The following ASPRV1 variants were observed in gnomAD, a reference collection of about 807,000 sequenced individuals.
ASPRV1 encodes the protein aspartic peptidase retroviral like 1.
A neutral mutation model predicts 11.0 loss-of-function variants in ASPRV1; 7 were observed. That is an observed-to-expected ratio of 0.64 (90% CI 0.36 to 1.20). The LOEUF (loss-of-function observed/expected upper bound fraction) is 1.20. Ranked by LOEUF, ASPRV1 falls within the 50% of genes most tolerant of loss-of-function variation. The pLI, the probability that ASPRV1 is intolerant of heterozygous loss-of-function variation, is 0.02. For synonymous variants in ASPRV1, 136 were observed against 138.4 expected (o/e 0.98, Z 0.12); for missense variants, 299 against 320.0 (o/e 0.93, Z 0.50).
the ASPRV1 span, among the ~76,000 whole-genome samples, chr2:69,989,639 G>C: frequency 1.1e-4 from 16 of 152,240 alleles, no homozygotes; most frequent in African/African-American, 3.9e-4. Flanking sequence ...TAAACAGCCT[G>C]ATGAGCACGG....
chr2:69,989,890 T>G, the ASPRV1 span, among the ~76,000 whole-genome samples: 9 of 152,236 alleles, frequency 5.9e-5, no homozygotes, highest in Non-Finnish European at 2.9e-5. Flanking sequence ...AGTAACTGCA[T>G]GTTAAATCAG....
the ASPRV1 span, among the ~76,000 whole-genome samples, chr2:70,024,776 A>T: frequency 5.9e-5 from 9 of 152,082 alleles, no homozygotes; most frequent in African/African-American, 2.2e-4. Flanking sequence ...CAACCTCCTG[A>T]AACTTCCAGA....
At chr2:69,969,483 G>C in the ASPRV1 span, among the ~76,000 whole-genome samples, 6 of 152,084 alleles carry the variant, frequency 3.9e-5, no homozygotes, top group Non-Finnish European at 7.4e-5. Context: ...CCAAGTTTCT[G>C]GGTCTTCTGC....
chr2:69,989,394 CCACAG>C, the ASPRV1 span, among the ~76,000 whole-genome samples: 2 of 152,246 alleles, frequency 1.3e-5, no homozygotes, highest in African/African-American at 4.8e-5. Flanking sequence ...AGACACAACA[CCACAG>C]CACAGCACAG....
the ASPRV1 span, among the ~76,000 whole-genome samples, chr2:70,057,400 G>T: frequency 3.9e-4 from 59 of 152,158 alleles, no homozygotes; most frequent in African/African-American, 1.4e-3. Context: ...CTTAATGACA[G>T]ATCTTGGAGA....
the ASPRV1 span, among the ~76,000 whole-genome samples, chr2:70,021,946 C>T: frequency 2.0e-5 from 3 of 147,798 alleles, no homozygotes; most frequent in Admixed American, 6.8e-5. Context: ...CCTCGTGATC[C>T]GCCCACCTCA....
the ASPRV1 span, among the ~76,000 whole-genome samples, chr2:70,057,209 C>A: frequency 6.6e-6 from 1 of 151,456 alleles, no homozygotes; most frequent in African/African-American, 2.4e-5. Context: ...CTAGACCAGC[C>A]TGGGCAACAC....
the ASPRV1 span, among the ~76,000 whole-genome samples, chr2:70,062,670 A>G: frequency 6.6e-6 from 1 of 152,166 alleles, no homozygotes; most frequent in Non-Finnish European, 1.5e-5. Flanking sequence ...GTGCACACCT[A>G]TATCCCGGCA....
chr2:69,957,685 T>C (rs1677971700), downstream of ASPRV1, among the ~76,000 whole-genome samples: 1 of 151,962 alleles, frequency 6.6e-6, no homozygotes, highest in African/African-American at 2.4e-5. Context: ...TCGCAGGTGA[T>C]GCTGATGCCG....
downstream of ASPRV1, among the ~76,000 whole-genome samples, chr2:69,959,247 G>C (rs900019600): frequency 1.3e-5 from 2 of 152,192 alleles, no homozygotes; most frequent in East Asian, 3.9e-4. Flanking sequence ...CTGCACGTTC[G>C]AGTCTCTGAC....
At chr2:70,085,962 G>A in the ASPRV1 span, 2 of 152,194 alleles carry the variant, frequency 1.3e-5, no homozygotes, top group Non-Finnish European at 2.9e-5. Flanking sequence ...TAAATGCTTT[G>A]GTACTGTGGG....
At chr2:70,056,625 A>AAAAAAAAAAAAAAAAAAAAAAAAAAAAG in the ASPRV1 span, 1 of 145,210 alleles carries the variant, frequency 6.9e-6, no homozygotes, top group Admixed American at 8.5e-5. Context: ...AAAAAAAAAA[A>AAAAAAAAAAAAAAAAAAAAAAAAAAAAG]GTGGTTAAAA....
chr2:69,977,171 G>GA, the ASPRV1 span, among the ~76,000 whole-genome samples: 4 of 138,280 alleles, frequency 2.9e-5, no homozygotes, highest in African/African-American at 1.1e-4. Flanking sequence ...GTGAGACTCT[G>GA]TAAAAAAAAA....
chr2:70,065,146 T>C, the ASPRV1 span, among the ~76,000 whole-genome samples: 3 of 150,408 alleles, frequency 2.0e-5, no homozygotes, highest in Non-Finnish European at 4.4e-5. Context: ...GGGTGGCTCA[T>C]GCCTGTAATC....
At chr2:69,946,879 C>T in the ASPRV1 span, among the ~76,000 whole-genome samples, 25 of 152,124 alleles carry the variant, frequency 1.6e-4, no homozygotes, top group Non-Finnish European at 3.2e-4. Context: ...CCTAAGACCC[C>T]GCCAGCCCTA....
chr2:70,065,835 A>G, the ASPRV1 span, among the ~76,000 whole-genome samples: 3 of 148,186 alleles, frequency 2.0e-5, no homozygotes, highest in Non-Finnish European at 4.4e-5. Flanking sequence ...AAAAAAAAAA[A>G]AAAAAAAAAG....
At chr2:69,996,276 C>T in the ASPRV1 span, among the ~76,000 whole-genome samples, 1 of 150,724 alleles carries the variant, frequency 6.6e-6, no homozygotes, top group Non-Finnish European at 1.5e-5. Context: ...CCTGTGGTCC[C>T]AGCTACTTGG....
chr2:70,036,642 A>G, the ASPRV1 span, among the ~76,000 whole-genome samples: 2 of 152,204 alleles, frequency 1.3e-5, no homozygotes, highest in Non-Finnish European at 2.9e-5. Context: ...CTGTTACTTA[A>G]GTCACTATAG....
the ASPRV1 span, among the ~76,000 whole-genome samples, chr2:70,004,927 G>A: frequency 6.6e-6 from 1 of 152,154 alleles, no homozygotes; most frequent in Non-Finnish European, 1.5e-5. Context: ...TACCCCCAGT[G>A]TTTAGAATAG....
Sources: allele counts gnomAD v4.1 joint callset (sites outside exome capture counted in the v4.1 genomes callset), GRCh38; gene constraint gnomAD v4.1.1; transcripts MANE v1.5; gene names NCBI Gene and HGNC (gene_info 2026-07-23, HGNC 2026-07-21).